Variants in SCFD2 observed in about 807,000 individuals in gnomAD.
The protein encoded by SCFD2 is sec1 family domain containing 2, also known as sec1 family domain-containing protein 2.
A neutral mutation model predicts 58.9 loss-of-function variants in SCFD2; 54 were observed. That is an observed-to-expected ratio of 0.92 (90% confidence interval 0.74 to 1.15). The LOEUF is 1.15. Among genes scored for constraint, SCFD2 ranks in the 50% most tolerant of loss-of-function variants. SCFD2 has a pLI of 0.00. For synonymous variants in SCFD2, 321 were observed against 335.9 expected, an observed-to-expected ratio of 0.96 and a Z score of 0.49; for missense variants, 805 against 836.6, an observed-to-expected ratio of 0.96 and a Z score of 0.47.
At chr4:52,959,919 C>CACACACACACACACACACACAG in intron 5 of SCFD2, among the ~76,000 whole-genome samples, 1 of 152,030 alleles carries the variant, frequency 6.6e-6, no homozygotes, top group East Asian at 1.9e-4. Context: ...CACACACACA[C>CACACACACACACACACACACAG]ACACACTTGA....
chr4:53,122,265 TACTC>T (rs1455576513), intron 5 of SCFD2, among the ~76,000 whole-genome samples: 1 of 152,058 alleles, frequency 6.6e-6, no homozygotes, highest in Non-Finnish European at 1.5e-5. Context: ...TAATCCCAGT[TACTC>T]AGGAGGCTGA....
chr4:53,025,751 C>G (rs1203919347), intron 5 of SCFD2, among the ~76,000 whole-genome samples: 1 of 152,178 alleles, frequency 6.6e-6, no homozygotes, highest in Admixed American at 6.5e-5. Context: ...GCCCCTGTGG[C>G]CTGCTGCTGT....
At chr4:53,060,230 A>T (rs1723465677) in intron 5 of SCFD2, among the ~76,000 whole-genome samples, 1 of 152,150 alleles carries the variant, frequency 6.6e-6, no homozygotes, top group African/African-American at 2.4e-5. Flanking sequence ...TAGAGGCCCC[A>T]TTAATTCTAC....
chr4:53,206,071 G>C (rs1728397117), intron 4 of SCFD2, among the ~76,000 whole-genome samples: 2 of 152,074 alleles, frequency 1.3e-5, no homozygotes. Context: ...AGTTAACTTG[G>C]TATATTAGCT....
chr4:53,301,477 A>G (rs1450075677), intron 3 of SCFD2, among the ~76,000 whole-genome samples: 2 of 151,854 alleles, frequency 1.3e-5, no homozygotes, highest in East Asian at 3.8e-4. Flanking sequence ...CAACCAAAAA[A>G]AACTCCAGGA....
intron 2 of SCFD2, among the ~76,000 whole-genome samples, chr4:53,334,119 G>T (rs1395390098): frequency 1.3e-5 from 2 of 151,980 alleles, no homozygotes; most frequent in African/African-American, 4.8e-5. Flanking sequence ...TGGAGAGGAT[G>T]TGGAGAAATA....
At chr4:53,148,051 G>C (rs1438062570) in intron 4 of SCFD2, among the ~76,000 whole-genome samples, 1 of 152,148 alleles carries the variant, frequency 6.6e-6, no homozygotes. Flanking sequence ...TAACTCCTTA[G>C]ATGACAATAA....
intron 7 of SCFD2, among the ~76,000 whole-genome samples, chr4:52,895,479 T>C (rs1258894920): frequency 6.6e-6 from 1 of 152,188 alleles, no homozygotes; most frequent in Admixed American, 6.5e-5. Flanking sequence ...GCTTCATCCA[T>C]GTCCCTACAA....
chr4:53,070,313 G>A (rs1445088465), intron 5 of SCFD2, among the ~76,000 whole-genome samples: 1 of 151,972 alleles, frequency 6.6e-6, no homozygotes, highest in Non-Finnish European at 1.5e-5. Flanking sequence ...AAAATTAAAA[G>A]ATCAGATGAT....
At chr4:53,253,449 T>C (rs1245536268) in intron 4 of SCFD2, among the ~76,000 whole-genome samples, 12 of 152,120 alleles carry the variant, frequency 7.9e-5, no homozygotes, top group Non-Finnish European at 1.0e-4. Flanking sequence ...CGTATGTTTA[T>C]TGCAGCACTA....
chr4:52,945,541 A>G (rs949468385), intron 5 of SCFD2: 14 of 152,176 alleles, frequency 9.2e-5, no homozygotes, highest in African/African-American at 3.4e-4. Context: ...TTCTTTTTAC[A>G]TTAATACTTA....
chr4:52,886,149 CAT>C (rs1464680549), intron 7 of SCFD2, among the ~76,000 whole-genome samples: 1 of 152,228 alleles, frequency 6.6e-6, no homozygotes, highest in Admixed American at 6.5e-5. Context: ...ACCTATTTTA[CAT>C]ATACCTACCC....
chr4:53,141,335 T>C (rs1253634252), intron 5 of SCFD2, among the ~76,000 whole-genome samples: 3 of 152,162 alleles, frequency 2.0e-5, no homozygotes, highest in African/African-American at 7.2e-5. Flanking sequence ...ATCTCTCTAA[T>C]TGGTAATTGT....
chr4:53,147,311 T>C (rs1352028566), intron 4 of SCFD2, among the ~76,000 whole-genome samples: 4 of 152,244 alleles, frequency 2.6e-5, no homozygotes, highest in African/African-American at 7.2e-5. Context: ...TGTTGCTCAA[T>C]GTTGTTCTGT....
At chr4:53,109,529 T>TA (rs1318622736) in intron 5 of SCFD2, among the ~76,000 whole-genome samples, 5 of 152,182 alleles carry the variant, frequency 3.3e-5, no homozygotes, top group African/African-American at 7.2e-5. Flanking sequence ...AGTCTCAGGA[T>TA]AAAAAATCAA....
At chr4:52,894,935 C>T (rs151224716) in intron 7 of SCFD2, among the ~76,000 whole-genome samples, 7 of 152,278 alleles carry the variant, frequency 4.6e-5, no homozygotes, top group Non-Finnish European at 7.4e-5. Flanking sequence ...TGTTAAAAAA[C>T]ATTATGGAAG....
At chr4:53,256,761 A>C (rs1454828745) in intron 4 of SCFD2, among the ~76,000 whole-genome samples, 1 of 151,748 alleles carries the variant, frequency 6.6e-6, no homozygotes, top group African/African-American at 2.4e-5. Context: ...GGCACTCGGC[A>C]GGCTGAGGCA....
At chr4:53,112,566 T>C (rs1725203466) in intron 5 of SCFD2, among the ~76,000 whole-genome samples, 1 of 152,096 alleles carries the variant, frequency 6.6e-6, no homozygotes. Flanking sequence ...GGACATAAAA[T>C]AATGCTTCTC....
At chr4:53,123,127 A>G (rs1725528878) in intron 5 of SCFD2, among the ~76,000 whole-genome samples, 1 of 152,184 alleles carries the variant, frequency 6.6e-6, no homozygotes, top group Non-Finnish European at 1.5e-5. Context: ...TTCAATGAAT[A>G]GCATGCTGGA....
Sources: gnomAD v4.1 joint callset for allele counts (sites outside exome capture counted in the v4.1 genomes callset) on GRCh38, gnomAD v4.1.1 for gene constraint, MANE v1.5 for transcripts, NCBI Gene and HGNC (gene_info 2026-07-23, HGNC 2026-07-21) for gene names.